Variants in ACSL4 observed in about 807,000 individuals in gnomAD.
ACSL4 encodes acyl-CoA synthetase long chain family member 4.
ACSL4 carries 9 observed loss-of-function variants against 49.1 expected under a neutral mutation model. That is an observed-to-expected ratio of 0.18 (90% CI 0.11 to 0.32). The LOEUF (loss-of-function observed/expected upper bound fraction) is 0.32. ACSL4 is among the 10% of genes least tolerant of loss of function. The pLI, the probability that ACSL4 is intolerant of heterozygous loss-of-function variation, is 1.00. For missense variants in ACSL4, 333 were observed against 493.7 expected, an observed-to-expected ratio of 0.67 and a Z score of 3.08; for synonymous variants, 191 against 170.3, an observed-to-expected ratio of 1.12 and a Z score of -0.95.
chrX:109,682,662 T>C (rs1428923989), intron 4 of ACSL4, 57 bp downstream of exon 4: 13 of 1,176,781 alleles, frequency 1.1e-5, no homozygotes, highest in African/African-American at 3.6e-5. Flanking sequence ...CTCAAAACAA[T>C]TCTCACATGC....
chrX:109,698,368 A>T (rs1163342441), intron 1 of ACSL4, among the ~76,000 whole-genome samples: 1 of 111,973 alleles, frequency 8.9e-6, no homozygotes, highest in Non-Finnish European at 1.9e-5. Context: ...AAGTCATTAT[A>T]TTAAAATAAA....
intron 1 of ACSL4, among the ~76,000 whole-genome samples, chrX:109,714,040 T>G (rs1926943928): frequency 8.9e-6 from 1 of 112,140 alleles, no homozygotes; most frequent in South Asian, 3.7e-4. Context: ...TTATAGGAGA[T>G]GACAACTGCA....
At chrX:109,670,816 G>A (rs1283971846) in intron 9 of ACSL4, among the ~76,000 whole-genome samples, 3 of 112,381 alleles carry the variant, frequency 2.7e-5, no homozygotes, top group Admixed American at 1.9e-4. Flanking sequence ...TGGTGGAGAC[G>A]GGGTTTCGCC....
Position 109,663,365 on chromosome X carries a change from A to G in ACSL4, c.1428T>C (p.Gly476=). ...TGTTCTGTCCACCAATTACGATTTCACCTCTGGGGTTTGGCTTGTCATTAA... is the reference window on the plus strand; with the variant it reads ...TGTTCTGTCCACCAATTACGATTTCGCCTCTGGGGTTTGGCTTGTCATTAA... ...YTINDKPNPR[G]EIVIGGQNIS... is the part of the protein sequence containing the mutation. Residue 476 remains glycine, a synonymous_variant, in exon 13 of 16, where the codon GGT becomes GGC. Transcript: ENST00000672401. The G allele has an allele frequency of 4.1e-6, 5 of 1,210,254 alleles. No individual in the cohort carries two copies. Among genetic ancestry groups the G allele is most frequent in the Non-Finnish European group, 5.6e-6 (5 of 894,535 alleles).
intron 15 of ACSL4, among the ~76,000 whole-genome samples, chrX:109,658,699 C>A (rs1457067899): frequency 9.0e-6 from 1 of 111,400 alleles, no homozygotes; most frequent in African/African-American, 3.3e-5. Context: ...TCTAATTAAC[C>A]CTTAAGGATG....
chrX:109,667,308 A>G (rs1922743905), intron 11 of ACSL4, among the ~76,000 whole-genome samples: 1 of 112,650 alleles, frequency 8.9e-6, no homozygotes, highest in Non-Finnish European at 1.9e-5. Context: ...GAGCCCATAA[A>G]CATCTGCTTT....
At chrX:109,720,354 T>C (rs1240366298) in intron 1 of ACSL4, among the ~76,000 whole-genome samples, 2 of 110,189 alleles carry the variant, frequency 1.8e-5, no homozygotes, top group Non-Finnish European at 3.8e-5. Flanking sequence ...CCTACAAACA[T>C]TTAAATACTT....
chrX:109,666,930 G>A (rs1234554968), intron 11 of ACSL4, among the ~76,000 whole-genome samples: 4 of 111,748 alleles, frequency 3.6e-5, no homozygotes, highest in Non-Finnish European at 5.6e-5. Context: ...TAAAAAGGCT[G>A]TTAGGTCGGA....
rs1385343014 is a variant in ACSL4 at position 109,688,631 on chromosome X, T to C, written c.-12-5256A>G. ...CTACCACTCTATAAACTTGTTCTCC[T>C]CATCAGGGTCTCCAATGACTTCCAT... On this transcript the variant is annotated intron_variant, in intron 2 of 15. Transcript: ENST00000672401. 3.6e-5 allele frequency among the ~76,000 whole-genome samples: 4 copies of C among 111,276 alleles called. No homozygotes were observed. The South Asian group carries it at 1.5e-3, about 42-fold the overall frequency.
chrX:109,697,853 A>T (rs1925571877), intron 1 of ACSL4, among the ~76,000 whole-genome samples: 1 of 109,794 alleles, frequency 9.1e-6, no homozygotes, highest in Non-Finnish European at 1.9e-5. Context: ...AGTAACTTAA[A>T]AATGACCAAA....
intron 1 of ACSL4, among the ~76,000 whole-genome samples, chrX:109,709,771 G>A (rs1000195179): frequency 3.6e-5 from 4 of 112,445 alleles, no homozygotes; most frequent in African/African-American, 1.3e-4. Flanking sequence ...CCAGTACTTC[G>A]GAAGCTAGAG....
chrX:109,682,417 AC>A (rs765311317), intron 4 of ACSL4, among the ~76,000 whole-genome samples: 2 of 102,006 alleles, frequency 2.0e-5, no homozygotes, highest in Non-Finnish European at 4.0e-5. Flanking sequence ...TTTGTATATC[AC>A]CCCCCCAAAA....
Position 109,683,562 on chromosome X carries a change from G to A in ACSL4, c.-12-187C>T, listed in dbSNP as rs189684995. 2.1e-4 allele frequency: 169 copies of A among 812,793 alleles called. 2 individuals are homozygous for A. The East Asian group carries it at 5.4e-3, about 26-fold the overall frequency. 67.0% of individuals were successfully genotyped at this position (812,793 alleles called of 1,213,427 possible). On this transcript the variant is annotated intron_variant, in intron 2 of 15. Coordinates refer to ENST00000672401, the MANE Select transcript of ACSL4 (RefSeq NM_001318510.2). ...TGAAAGCCTTATTGTGCTGAAGAAG[G>A]CAATAATAGAAGCAGCAGTAAGAAT...
intron 2 of ACSL4, among the ~76,000 whole-genome samples, chrX:109,689,392 G>A (rs1924864602): frequency 8.9e-6 from 1 of 111,808 alleles, no homozygotes. Context: ...ATGTAAGTTA[G>A]ATCATACCAT....
At chrX:109,648,445 G>A (rs1480411887) in intron 15 of ACSL4, among the ~76,000 whole-genome samples, 7 of 111,451 alleles carry the variant, frequency 6.3e-5, no homozygotes, top group African/African-American at 2.3e-4. Flanking sequence ...CTCAATAGAT[G>A]CAGAAAAGGC....
intron 13 of ACSL4, among the ~76,000 whole-genome samples, chrX:109,661,991 A>C (rs947354974): frequency 9.0e-6 from 1 of 111,032 alleles, no homozygotes; most frequent in African/African-American, 3.3e-5. Flanking sequence ...ATTCTATCTG[A>C]ATGGTAACTC....
At chrX:109,701,656 T>C (rs1388112476) in intron 1 of ACSL4, among the ~76,000 whole-genome samples, 1 of 103,648 alleles carries the variant, frequency 9.6e-6, no homozygotes, top group Non-Finnish European at 2.0e-5. Flanking sequence ...ACCATTCTCC[T>C]GCCTCAGCCT....
intron 1 of ACSL4, among the ~76,000 whole-genome samples, chrX:109,705,677 C>A (rs1926298755): frequency 9.0e-6 from 1 of 110,678 alleles, no homozygotes; most frequent in South Asian, 3.7e-4. Context: ...ATATCTGATC[C>A]AAGGAAAGCT....
At chrX:109,700,816 G>A (rs940603338) in intron 1 of ACSL4, among the ~76,000 whole-genome samples, 9 of 110,280 alleles carry the variant, frequency 8.2e-5, no homozygotes, top group Middle Eastern at 4.8e-3. Flanking sequence ...AGGCTGAGGC[G>A]GGCGGATCAT....
Sources: gnomAD v4.1 joint callset for allele counts (sites outside exome capture counted in the v4.1 genomes callset) on GRCh38, gnomAD v4.1.1 for gene constraint, MANE v1.5 for transcripts, NCBI Gene and HGNC (gene_info 2026-07-23, HGNC 2026-07-21) for gene names.